The following SORCS2 variants were observed in gnomAD, a reference collection of about 807,000 sequenced individuals.
The protein encoded by SORCS2 is VPS10 domain-containing receptor SorCS2.
SORCS2 carries 100 observed loss-of-function variants against 141.6 expected under a neutral mutation model. That is an observed-to-expected ratio of 0.71 (90% CI 0.60 to 0.83). The LOEUF (loss-of-function observed/expected upper bound fraction) is 0.83. Among genes scored for constraint, SORCS2 ranks in the 40% least tolerant of loss-of-function variants. The pLI is 0.00. For synonymous variants in SORCS2, 789 were observed against 676.9 expected (o/e 1.17, Z -2.57); for missense variants, 1,646 against 1,560.2 (o/e 1.05, Z -0.93).
At chr4:7,708,958 G>T (rs1725650041) in intron 14 of SORCS2, among the ~76,000 whole-genome samples, 1 of 152,182 alleles carries the variant, frequency 6.6e-6, no homozygotes, top group African/African-American at 2.4e-5. Flanking sequence ...GGCCCTGGAT[G>T]CATAAAATCC....
rs370398484 is a variant in SORCS2, at chr4:7,231,024, A to ATATCTG, written c.480+37906_480+37911dup. ...TATATCCATATCCATATCCATATCCATATCTGTATCTGTCTATATCTAGAG... is the reference window on the plus strand; with the variant it reads ...TATATCCATATCCATATCCATATCCATATCTGTATCTGTATCTGTCTATATCTAGAG... On this transcript the variant is annotated intron_variant, in intron 1 of 26. Transcript: ENST00000507866. Among the ~76,000 whole-genome samples, 1,080 of 152,284 alleles carry ATATCTG rather than the reference A, an allele frequency of 7.1e-3. 15 individuals are homozygous for ATATCTG. The highest frequency in any genetic ancestry group is 0.024 in the African/African-American group (979 of 41,540).
chr4:7,527,519 CAG>C (rs1733771413), intron 2 of SORCS2, among the ~76,000 whole-genome samples: 1 of 152,208 alleles, frequency 6.6e-6, no homozygotes, highest in Non-Finnish European at 1.5e-5. Context: ...GTGGGAGAGA[CAG>C]GGCATGGGTT....
chr4:7,573,230 C>A (rs897240482), intron 3 of SORCS2, among the ~76,000 whole-genome samples: 13 of 152,204 alleles, frequency 8.5e-5, no homozygotes, highest in Non-Finnish European at 1.5e-4. Flanking sequence ...TCAACAAGCA[C>A]ACAAGATCCC....
chr4:7,578,749 G>A (rs762169776), intron 3 of SORCS2, among the ~76,000 whole-genome samples: 1 of 152,126 alleles, frequency 6.6e-6, no homozygotes, highest in Non-Finnish European at 1.5e-5. Flanking sequence ...TGACCTCTCT[G>A]GGACTCAGTT....
rs758953376 is a variant in SORCS2, at chr4:7,233,482, A to C, written c.480+40356A>C. Reference sequence around the variant, plus strand: ...GACACTGGGCCACAGTGCAGTACAGACCCTCGCTGGGCTCAGGGTGAGCAG... The same window carrying C: ...GACACTGGGCCACAGTGCAGTACAGCCCCTCGCTGGGCTCAGGGTGAGCAG... On this transcript the variant is annotated intron_variant, in intron 1 of 26. Transcript: ENST00000507866. The surrounding 1 kb of genome is among the most constrained non-coding windows in gnomAD (Gnocchi z 4.5). 1.3e-5 allele frequency among the ~76,000 whole-genome samples: 2 copies of C among 152,072 alleles called. No individual in the cohort carries two copies. The highest frequency in any genetic ancestry group is 2.4e-5 in the African/African-American group (1 of 41,402).
intron 3 of SORCS2, among the ~76,000 whole-genome samples, chr4:7,546,288 C>A (rs1358810746): frequency 6.6e-6 from 1 of 152,150 alleles, no homozygotes; most frequent in African/African-American, 2.4e-5. Context: ...GCTCAATTCA[C>A]CAAGGCCTCC....
chr4:7,285,889 G>C (rs959905767), intron 1 of SORCS2, among the ~76,000 whole-genome samples: 1 of 152,192 alleles, frequency 6.6e-6, no homozygotes, highest in East Asian at 1.9e-4. Context: ...TCTGATGTTC[G>C]GTGCAGCCCT....
At chr4:7,394,077 A>G (rs970583883) in intron 1 of SORCS2, among the ~76,000 whole-genome samples, 13 of 150,778 alleles carry the variant, frequency 8.6e-5, no homozygotes, top group Admixed American at 1.3e-4. Context: ...GCAGGAACCC[A>G]AAGTCCCATT....
intron 2 of SORCS2, among the ~76,000 whole-genome samples, chr4:7,530,812 C>G (rs939179559): frequency 6.6e-6 from 1 of 152,228 alleles, no homozygotes; most frequent in Non-Finnish European, 1.5e-5. Flanking sequence ...AGTGTACTCT[C>G]AGATTCTCAC....
chr4:7,569,170 C>T (rs530608993), intron 3 of SORCS2, among the ~76,000 whole-genome samples: 191 of 152,278 alleles, frequency 1.3e-3, no homozygotes, highest in Non-Finnish European at 2.1e-3. Context: ...GAAGTGATTA[C>T]GGCAGGAAGT....
intron 3 of SORCS2, among the ~76,000 whole-genome samples, chr4:7,582,530 C>T (rs993358756): frequency 7.9e-5 from 12 of 152,148 alleles, no homozygotes; most frequent in Middle Eastern, 3.2e-3. Context: ...GGGAACCTGG[C>T]GCTAAGCCAT....
At chr4:7,358,266 G>T (rs965860750) in intron 1 of SORCS2, among the ~76,000 whole-genome samples, 2 of 152,244 alleles carry the variant, frequency 1.3e-5, no homozygotes, top group Non-Finnish European at 2.9e-5. Context: ...GGCACCTGCT[G>T]CATGCCAGGC....
intron 3 of SORCS2, among the ~76,000 whole-genome samples, chr4:7,600,489 T>C (rs370438131): frequency 6.6e-6 from 1 of 151,792 alleles, no homozygotes; most frequent in East Asian, 1.9e-4. Flanking sequence ...GGGAGACAGG[T>C]TTAGGAGGGG....
At chr4:7,467,318 C>G (rs1729679003) in intron 2 of SORCS2, among the ~76,000 whole-genome samples, 1 of 152,116 alleles carries the variant, frequency 6.6e-6, no homozygotes, top group African/African-American at 2.4e-5. Context: ...GGAAGGGTCC[C>G]TAGGGCTCCC....
chr4:7,266,613 A>G (rs571882691), intron 1 of SORCS2, among the ~76,000 whole-genome samples: 4 of 152,122 alleles, frequency 2.6e-5, no homozygotes, highest in African/African-American at 9.7e-5. Context: ...TCATTCATCA[A>G]GCACTCCGGT....
At chr4:7,424,899 C>T (rs761205680) in intron 2 of SORCS2, among the ~76,000 whole-genome samples, 1 of 152,234 alleles carries the variant, frequency 6.6e-6, no homozygotes, top group Non-Finnish European at 1.5e-5. Context: ...CCCGGCACCA[C>T]CTCCCGAGGG....
intron 2 of SORCS2, among the ~76,000 whole-genome samples, chr4:7,506,908 C>A (rs1175144098): frequency 6.6e-6 from 1 of 152,106 alleles, no homozygotes; most frequent in Non-Finnish European, 1.5e-5. Context: ...TAAAATGATA[C>A]CAACCTATTA....
chr4:7,559,108 C>T (rs866213208), intron 3 of SORCS2, among the ~76,000 whole-genome samples: 7 of 152,300 alleles, frequency 4.6e-5, no homozygotes, highest in African/African-American at 9.6e-5. Flanking sequence ...CTCACTTTCC[C>T]GGGGAGGGGT....
chr4:7,684,507 C>T (rs1723751630), intron 10 of SORCS2, among the ~76,000 whole-genome samples: 1 of 152,180 alleles, frequency 6.6e-6, no homozygotes, highest in Admixed American at 6.5e-5. Flanking sequence ...CACTGAGGAG[C>T]CCTTCACTGG....
Sources: allele counts gnomAD v4.1 joint callset (sites outside exome capture counted in the v4.1 genomes callset), GRCh38; gene constraint gnomAD v4.1.1; non-coding constraint Gnocchi (gnomAD v3.1); transcripts MANE v1.5; gene names NCBI Gene and HGNC (gene_info 2026-07-23, HGNC 2026-07-21).